Variants in OPCML observed in about 807,000 individuals in gnomAD.
OPCML encodes the protein opioid binding protein/cell adhesion molecule like, also known as opioid-binding protein/cell adhesion molecule.
A neutral mutation model predicts 37.8 loss-of-function variants in OPCML; 13 were observed. The observed-to-expected ratio is 0.34, with a 90% CI of 0.22 to 0.55. The LOEUF (loss-of-function observed/expected upper bound fraction) is 0.55, where lower values mean the gene tolerates loss of function less well. OPCML is among the 20% of genes least tolerant of loss of function. The pLI is 0.91. For missense variants in OPCML, 341 were observed against 435.6 expected (o/e 0.78, Z 1.93); for synonymous variants, 176 against 168.8 (o/e 1.04, Z -0.33).
chr11:132,855,137 T>C (rs974363340), intron 2 of OPCML, among the ~76,000 whole-genome samples: 2 of 152,180 alleles, frequency 1.3e-5, no homozygotes, highest in Admixed American at 1.3e-4. Flanking sequence ...TGGTCAAAGA[T>C]CTGTTCCTAT....
chr11:133,385,002 G>C (rs1378495035), intron 1 of OPCML, among the ~76,000 whole-genome samples: 7 of 152,222 alleles, frequency 4.6e-5, no homozygotes, highest in Non-Finnish European at 1.0e-4. Context: ...GCCTCTGGGT[G>C]CCACACCCTT....
chr11:133,246,216 C>T (rs984626798), intron 1 of OPCML, among the ~76,000 whole-genome samples: 3 of 152,196 alleles, frequency 2.0e-5, no homozygotes, highest in Non-Finnish European at 4.4e-5. Context: ...ATTCAATGCA[C>T]ATTTATTATC....
At chr11:132,914,389 G>C (rs1203686394) in intron 2 of OPCML, among the ~76,000 whole-genome samples, 1 of 152,182 alleles carries the variant, frequency 6.6e-6, no homozygotes, top group East Asian at 1.9e-4. Context: ...TTCGTCTCTT[G>C]TGACCATACA....
At chr11:132,809,910 C>T (rs140471649) in intron 2 of OPCML, among the ~76,000 whole-genome samples, 82 of 152,202 alleles carry the variant, frequency 5.4e-4, no homozygotes, top group African/African-American at 1.8e-3. Context: ...AGTGCAGTGG[C>T]GCGATCTCGG....
chr11:132,448,463 G>T (rs2096060993), intron 4 of OPCML, among the ~76,000 whole-genome samples: 1 of 152,164 alleles, frequency 6.6e-6, no homozygotes, highest in African/African-American at 2.4e-5. Flanking sequence ...AGATAGCATT[G>T]CTCATGCACT....
At chr11:133,057,332 TCCAAGG>T (rs1948258657) in intron 1 of OPCML, among the ~76,000 whole-genome samples, 1 of 152,188 alleles carries the variant, frequency 6.6e-6, no homozygotes, top group South Asian at 2.1e-4. Flanking sequence ...TTCAGAATTG[TCCAAGG>T]CCAAAGGCTG....
chr11:133,510,911 A>G (rs923862368), intron 1 of OPCML, among the ~76,000 whole-genome samples: 2 of 151,832 alleles, frequency 1.3e-5, no homozygotes, highest in African/African-American at 4.9e-5. Flanking sequence ...ACGCACACAC[A>G]CACACACACA....
At chr11:132,796,963 T>A (rs1938360528) in intron 2 of OPCML, among the ~76,000 whole-genome samples, 1 of 152,226 alleles carries the variant, frequency 6.6e-6, no homozygotes, top group South Asian at 2.1e-4. Context: ...ATGGGCTATT[T>A]GATTCTTATT....
Position 133,470,853 on chromosome 11 carries a change from C to T in OPCML, c.61+61411G>A, listed in dbSNP as rs554685085. Among the ~76,000 whole-genome samples the T allele has an allele frequency of 9.9e-5, 15 of 152,270 alleles. No individual in the cohort carries two copies. The South Asian group carries it at 3.1e-3, about 32-fold the overall frequency. ...GCATTTCCAGAGATGCTTAAGAAGG[C>T]TTTTTTGTGGCTAGAGAGATCATTC... On this transcript the variant is annotated intron_variant, in intron 1 of 7. Coordinates refer to ENST00000524381, the MANE Select transcript of OPCML (RefSeq NM_001012393.5).
At chr11:133,380,356 T>C (rs1340523609) in intron 1 of OPCML, among the ~76,000 whole-genome samples, 2 of 152,188 alleles carry the variant, frequency 1.3e-5, no homozygotes, top group Non-Finnish European at 2.9e-5. Context: ...GAAAATAATT[T>C]CTTCAATAAT....
intron 1 of OPCML, among the ~76,000 whole-genome samples, chr11:133,046,961 T>C (rs909717408): frequency 6.8e-6 from 1 of 146,132 alleles, no homozygotes; most frequent in Admixed American, 6.8e-5. Flanking sequence ...TTTTTTTTTT[T>C]CAAAAGCCAT....
intron 1 of OPCML, among the ~76,000 whole-genome samples, chr11:133,470,512 C>T (rs1947081902): frequency 6.6e-6 from 1 of 152,142 alleles, no homozygotes; most frequent in Non-Finnish European, 1.5e-5. Flanking sequence ...GCAAATGTCA[C>T]GAGGAAGGAG....
At chr11:132,725,831 C>G (rs1344555536) in intron 2 of OPCML, among the ~76,000 whole-genome samples, 1 of 151,548 alleles carries the variant, frequency 6.6e-6, no homozygotes, top group Non-Finnish European at 1.5e-5. Context: ...CATAAATCAT[C>G]TCTCTCACGT....
intron 1 of OPCML, among the ~76,000 whole-genome samples, chr11:133,514,183 G>A (rs1948215354): frequency 6.6e-6 from 1 of 152,194 alleles, no homozygotes; most frequent in Non-Finnish European, 1.5e-5. Context: ...GTTTGCAGTA[G>A]GGATCATGAG....
chr11:132,920,259 C>A (rs1944744470), intron 2 of OPCML, among the ~76,000 whole-genome samples: 1 of 152,162 alleles, frequency 6.6e-6, no homozygotes, highest in South Asian at 2.1e-4. Flanking sequence ...GCTGCAAAGA[C>A]CTGGGAGTCT....
intron 2 of OPCML, among the ~76,000 whole-genome samples, chr11:132,764,589 G>C (rs1181472536): frequency 1.3e-5 from 2 of 152,160 alleles, no homozygotes; most frequent in African/African-American, 4.8e-5. Flanking sequence ...ACTAGATAAT[G>C]CATGTAAATC....
intron 4 of OPCML, among the ~76,000 whole-genome samples, chr11:132,440,577 TGTGGA>T (rs1228583264): frequency 6.6e-6 from 1 of 152,158 alleles, no homozygotes; most frequent in African/African-American, 2.4e-5. Flanking sequence ...CTGAGACCCT[TGTGGA>T]GCCTGCCCCT....
At chr11:132,824,675 C>T (rs1011402739) in intron 2 of OPCML, among the ~76,000 whole-genome samples, 5 of 152,176 alleles carry the variant, frequency 3.3e-5, no homozygotes, top group African/African-American at 1.2e-4. Flanking sequence ...TTCACACATT[C>T]CCCACCCAGC....
chr11:132,504,686 G>T (rs918006201), intron 4 of OPCML, among the ~76,000 whole-genome samples: 3 of 150,162 alleles, frequency 2.0e-5, no homozygotes, highest in African/African-American at 7.4e-5. Context: ...GCATGGCATG[G>T]CAGCTGGCTG....
Sources: gnomAD v4.1 joint callset for allele counts (sites outside exome capture counted in the v4.1 genomes callset) on GRCh38, gnomAD v4.1.1 for gene constraint, MANE v1.5 for transcripts, NCBI Gene and HGNC (gene_info 2026-07-23, HGNC 2026-07-21) for gene names.